BCAT1: variants seen among roughly 807,000 people sequenced by gnomAD.
The protein encoded by BCAT1 is branched-chain-amino-acid aminotransferase, cytosolic.
In BCAT1, 48 loss-of-function variants were observed where a neutral mutation model predicts 52.4. That is an observed-to-expected ratio of 0.92 (90% CI 0.73 to 1.16). The LOEUF is 1.16. Ranked by LOEUF, BCAT1 falls within the 50% of genes most tolerant of loss-of-function variation. The pLI is 0.00. For synonymous variants in BCAT1, 167 were observed against 161.3 expected (o/e 1.04, Z -0.27); for missense variants, 451 against 457.1 (o/e 0.99, Z 0.12).
At chr12:24,875,114 G>A (rs1942293665) in intron 5 of BCAT1, among the ~76,000 whole-genome samples, 1 of 151,432 alleles carries the variant, frequency 6.6e-6, no homozygotes, top group Non-Finnish European at 1.5e-5. Flanking sequence ...AAAAAGATAA[G>A]TAAAGCTAGT....
chr12:24,949,011 GGGTCTGCGGCTGCAGAGCGC>G lies in BCAT1; in HGVS notation c.-99_-80del. 1.3e-6 allele frequency: 2 copies of G among 1,500,154 alleles called. No individual in the cohort carries two copies. Among genetic ancestry groups the G allele is most frequent in the Non-Finnish European group, 1.8e-6 (2 of 1,101,726 alleles). The allele number at this position is 1,500,154 out of a possible 1,614,324, so 92.9% of individuals were successfully genotyped here. A position where few individuals can be genotyped will look rare whatever the true frequency, so the allele number is the denominator to read the frequency against. ...GTCGTAGCCCCTGGCCGTGTGGACC[GGGTCTGCGGCTGCAGAGCGC>G]GGTCCCGGCTGCAGCAAGACCTGGG... is the stretch of plus-strand genomic sequence containing the variant. On this transcript the variant is annotated 5_prime_UTR_variant, in exon 1 of 11. Coordinates refer to ENST00000261192, the MANE Select transcript of BCAT1 (RefSeq NM_005504.7).
At chr12:24,862,969 T>C (rs1377838577) in intron 5 of BCAT1, among the ~76,000 whole-genome samples, 1 of 152,212 alleles carries the variant, frequency 6.6e-6, no homozygotes, top group Admixed American at 6.5e-5. Context: ...AATGTATCAC[T>C]GGGGAAGCTG....
chr12:24,938,272 G>A (rs1263950445), intron 1 of BCAT1, among the ~76,000 whole-genome samples: 4 of 152,176 alleles, frequency 2.6e-5, no homozygotes, highest in African/African-American at 7.2e-5. Context: ...CTGGATGAGG[G>A]ACAGAGAAAA....
At chr12:24,930,330 T>C (rs1434014080) in intron 1 of BCAT1, among the ~76,000 whole-genome samples, 2 of 152,210 alleles carry the variant, frequency 1.3e-5, no homozygotes, top group Non-Finnish European at 2.9e-5. Flanking sequence ...AGTAGCCTTC[T>C]TAGACAGTGT....
At chr12:24,884,361 G>A (rs541583630) in intron 3 of BCAT1, among the ~76,000 whole-genome samples, 8 of 152,310 alleles carry the variant, frequency 5.3e-5, no homozygotes, top group Middle Eastern at 6.8e-3. Context: ...GGAATTGGAA[G>A]ATGTTGGTCA....
intron 2 of BCAT1, among the ~76,000 whole-genome samples, chr12:24,898,328 A>AT (rs111985017): frequency 0.21 from 31,756 of 151,936 alleles, 3,375 homozygotes; most frequent in Middle Eastern, 0.29. Context: ...TTGTGGAAGA[A>AT]TTGGAATGCC....
In BCAT1 at chr12:24,832,605, A is replaced by G. The variant is rs79448757; in HGVS notation, c.1044+118T>C. 3.2e-3 allele frequency: 3,949 copies of G among 1,239,792 alleles called. 104 individuals are homozygous for G. The African/African-American group carries it at 0.054, about 17-fold the overall frequency. 76.8% of individuals were successfully genotyped at this position (1,239,792 alleles called of 1,614,324 possible). On this transcript the variant is annotated intron_variant, in intron 9 of 10. Transcript: ENST00000261192. ...CTTTAAAATAAAGAAAAACAACAAC[A>G]ACGACAAAACTTTTGCATCTTGGGT...
At chr12:24,887,204 T>C (rs1942706520) in intron 3 of BCAT1, among the ~76,000 whole-genome samples, 1 of 149,458 alleles carries the variant, frequency 6.7e-6, no homozygotes, top group African/African-American at 2.5e-5. Flanking sequence ...AAAGGTCATC[T>C]GCCTGCAGGT....
chr12:24,887,074 A>AAT (rs1942690585), intron 3 of BCAT1, among the ~76,000 whole-genome samples: 1 of 95,068 alleles, frequency 1.1e-5, no homozygotes, highest in Admixed American at 1.1e-4. Flanking sequence ...AAAAAAAAAA[A>AAT]AAAAAAATAT....
intron 2 of BCAT1, among the ~76,000 whole-genome samples, chr12:24,895,341 A>G (rs539408580): frequency 2.3e-4 from 35 of 152,276 alleles, no homozygotes; most frequent in Admixed American, 7.2e-4. Flanking sequence ...CCTAGCTAAC[A>G]TGGTGAAACC....
chr12:24,857,932 C>T (rs1941739480), intron 5 of BCAT1, among the ~76,000 whole-genome samples: 1 of 152,190 alleles, frequency 6.6e-6, no homozygotes, highest in Non-Finnish European at 1.5e-5. Flanking sequence ...ATCAGAGAAG[C>T]ATGCTCTTGG....
chr12:24,859,059 AT>A (rs757550249), intron 5 of BCAT1, among the ~76,000 whole-genome samples: 1 of 152,364 alleles, frequency 6.6e-6, no homozygotes, highest in African/African-American at 2.4e-5. Context: ...ACAAAAAAAA[AT>A]TGTAAAGGAC....
chr12:24,918,803 CT>C (rs1284606221), intron 1 of BCAT1, among the ~76,000 whole-genome samples: 1 of 152,186 alleles, frequency 6.6e-6, no homozygotes, highest in East Asian at 1.9e-4. Context: ...CTGTGTACTT[CT>C]CTGGAAAGTC....
chr12:24,894,609 C>T (rs1942918869), intron 2 of BCAT1, 134 bp from the exon 3 acceptor site: 1 of 740,738 alleles, frequency 1.3e-6, no homozygotes, highest in African/African-American at 1.8e-5. Context: ...ATTTAACACT[C>T]TGAGCTGAAC....
intron 8 of BCAT1, among the ~76,000 whole-genome samples, chr12:24,835,644 G>C (rs1383403403): frequency 6.6e-6 from 1 of 151,602 alleles, no homozygotes; most frequent in African/African-American, 2.4e-5. Flanking sequence ...CTGTAGTGCA[G>C]TGGCTTGATC....
At chr12:24,845,338 C>T (rs1164421735) in intron 6 of BCAT1, among the ~76,000 whole-genome samples, 1 of 151,268 alleles carries the variant, frequency 6.6e-6, no homozygotes, top group Non-Finnish European at 1.5e-5. Context: ...AGATAGGAAG[C>T]TATTAAAAAA....
At chr12:24,836,703 C>T in intron 7 of BCAT1, 107 bp from the exon 8 acceptor site, 1 of 951,604 alleles carries the variant, frequency 1.1e-6, no homozygotes, top group Non-Finnish European at 1.6e-6. Context: ...TAGCAACAAA[C>T]ATAAAGAAAA....
chr12:24,927,443 ACCAGTGACT>A (rs1416371047), intron 1 of BCAT1, among the ~76,000 whole-genome samples: 2 of 152,366 alleles, frequency 1.3e-5, no homozygotes, highest in East Asian at 3.9e-4. Flanking sequence ...TTAAAAATCT[ACCAGTGACT>A]CCAATTAAAC....
chr12:24,866,280 T>TAGATTTCTCGCCGGGCC (rs1270031071), intron 5 of BCAT1, among the ~76,000 whole-genome samples: 2 of 152,210 alleles, frequency 1.3e-5, no homozygotes, highest in Non-Finnish European at 2.9e-5. Context: ...GGCGCCGCGC[T>TAGATTTCTCGCCGGGCC]AGATTTCTCG....
Sources: gnomAD v4.1 joint callset for allele counts (sites outside exome capture counted in the v4.1 genomes callset) on GRCh38, gnomAD v4.1.1 for gene constraint, MANE v1.5 for transcripts, NCBI Gene and HGNC (gene_info 2026-07-23, HGNC 2026-07-21) for gene names.